CSPP1: variants seen among roughly 807,000 people sequenced by gnomAD.
CSPP1 encodes centrosome and spindle pole-associated protein 1.
In CSPP1, 126 loss-of-function variants were observed where a neutral mutation model predicts 164.4. The ratio of observed to expected loss-of-function variants is 0.77; its 90% CI spans 0.66 to 0.89. CSPP1 has a LOEUF of 0.89. Among genes scored for constraint, CSPP1 ranks in the 40% least tolerant of loss-of-function variants. The pLI, the probability that CSPP1 is intolerant of heterozygous loss-of-function variation, is 0.00. For synonymous variants in CSPP1, 472 were observed against 476.7 expected, an observed-to-expected ratio of 0.99 and a Z score of 0.13; for missense variants, 1,395 against 1,449.8, an observed-to-expected ratio of 0.96 and a Z score of 0.61.
At chr8:67,163,441 A>G (rs1253022696) in intron 22 of CSPP1, among the ~76,000 whole-genome samples, 8 of 152,060 alleles carry the variant, frequency 5.3e-5, no homozygotes, top group African/African-American at 1.9e-4. Flanking sequence ...GGAGAATGGG[A>G]GTCAATTATC....
intron 27 of CSPP1, 99 bp from the exon 28 acceptor site, chr8:67,179,764 G>T: frequency 2.6e-6 from 2 of 768,020 alleles, no homozygotes; most frequent in Non-Finnish European, 2.2e-6. Flanking sequence ...TCTGCTTTTA[G>T]GGAGAACAGT....
intron 19 of CSPP1, among the ~76,000 whole-genome samples, chr8:67,156,585 T>C (rs1826709554): frequency 6.6e-6 from 1 of 152,162 alleles, no homozygotes; most frequent in Non-Finnish European, 1.5e-5. Context: ...GTAAAATAGA[T>C]CAATGGTATT....
At chr8:67,093,740 T>C in intron 6 of CSPP1, 99 bp downstream of exon 6, 1 of 627,490 alleles carries the variant, frequency 1.6e-6, no homozygotes, top group Non-Finnish European at 2.7e-6. Flanking sequence ...TTACTTTTTT[T>C]TGTAAATACT....
chr8:67,167,552 T>C (rs567917023), intron 24 of CSPP1, among the ~76,000 whole-genome samples: 6 of 143,282 alleles, frequency 4.2e-5, no homozygotes, highest in African/African-American at 7.9e-5. Context: ...GGGCGGCTGC[T>C]GGGCGGAGGG....
chr8:67,159,926 T>TTCCTTCCTTCC (rs1257832985), intron 21 of CSPP1, among the ~76,000 whole-genome samples: 2 of 41,570 alleles, frequency 4.8e-5, no homozygotes, highest in African/African-American at 2.2e-4. Flanking sequence ...CTTTCTTTCC[T>TTCCTTCCTTCC]TTCCTTCCTT....
At chr8:67,096,627 G>A (rs1812853628) in intron 7 of CSPP1, among the ~76,000 whole-genome samples, 1 of 151,302 alleles carries the variant, frequency 6.6e-6, no homozygotes, top group African/African-American at 2.4e-5. Flanking sequence ...CAGTTTGGGA[G>A]GCCAAGGCAG....
intron 18 of CSPP1, among the ~76,000 whole-genome samples, chr8:67,150,535 C>G (rs755318032): frequency 6.6e-6 from 1 of 152,062 alleles, no homozygotes; most frequent in Non-Finnish European, 1.5e-5. Flanking sequence ...TCCCAAGTAG[C>G]TGGAATCACA....
intron 17 of CSPP1, among the ~76,000 whole-genome samples, chr8:67,147,609 A>G (rs970419088): frequency 6.6e-6 from 1 of 152,082 alleles, no homozygotes; most frequent in Non-Finnish European, 1.5e-5. Flanking sequence ...CCTAATTTCA[A>G]TTTAATGATT....
chr8:67,130,057 A>G (rs1204500912), intron 15 of CSPP1, among the ~76,000 whole-genome samples: 1 of 152,144 alleles, frequency 6.6e-6, no homozygotes, highest in African/African-American at 2.4e-5. Context: ...AAAGTACAAT[A>G]TTTGTGGGAT....
At chr8:67,166,435 C>T (rs916511976) in intron 24 of CSPP1, among the ~76,000 whole-genome samples, 1 of 152,148 alleles carries the variant, frequency 6.6e-6, no homozygotes, top group African/African-American at 2.4e-5. Context: ...TTTAACATAG[C>T]ACGTTAATTT....
At chr8:67,164,051 TG>T (rs574956841) in intron 23 of CSPP1, among the ~76,000 whole-genome samples, 151 of 152,318 alleles carry the variant, frequency 9.9e-4, no homozygotes, top group African/African-American at 3.5e-3. Flanking sequence ...TGTATTTCTG[TG>T]CATTTTTATC....
intron 4 of CSPP1, 52 bp from the exon 5 acceptor site, chr8:67,091,749 CAT>C (rs1811648371): frequency 1.8e-6 from 1 of 552,122 alleles, no homozygotes; most frequent in Non-Finnish European, 3.0e-6. Flanking sequence ...ATTTATGCAA[CAT>C]ATTTTATAAA....
chr8:67,153,723 T>A (rs976357261), intron 18 of CSPP1, among the ~76,000 whole-genome samples: 1 of 152,148 alleles, frequency 6.6e-6, no homozygotes, highest in Non-Finnish European at 1.5e-5. Flanking sequence ...ATAAATTCTA[T>A]TTTAAAGCCT....
chr8:67,126,306 T>C (rs963415346), intron 15 of CSPP1, among the ~76,000 whole-genome samples: 12 of 152,350 alleles, frequency 7.9e-5, no homozygotes, highest in Non-Finnish European at 1.3e-4. Flanking sequence ...GTGTCATAAT[T>C]TCTTTTTTGA....
chr8:67,118,248 G>A lies in CSPP1; in HGVS notation c.1497G>A (p.Arg499=). ...SSALGEMVSP[R]IAPLPPPPLL... ...ATTTTTCATCTTTCTTTTCATACAG[G>A]ATTGCACCTCTGCCTCCACCTCCCC... The change falls in exon 14 of 31, where the codon AGG becomes AGA. Residue 499 remains arginine (R), a splice_region_variant and synonymous_variant. Coordinates refer to ENST00000678616, the MANE Select transcript of CSPP1 (RefSeq NM_001382391.1). 6.2e-7 allele frequency: 1 copy of A among 1,613,212 alleles called. No individual in the cohort carries two copies.
At chr8:67,175,098 A>G in intron 25 of CSPP1, 198 bp from the exon 26 acceptor site, 2 of 548,622 alleles carry the variant, frequency 3.6e-6, no homozygotes, top group East Asian at 6.3e-5. Context: ...GTGAAAAGAC[A>G]CTTATTAAAG....
chr8:67,091,698 CATAAT>C (rs1811638197), intron 4 of CSPP1, 100 bp from the exon 5 acceptor site: 5 of 338,580 alleles, frequency 1.5e-5, no homozygotes, highest in South Asian at 7.7e-5. Flanking sequence ...ATTTGCTCTG[CATAAT>C]ATAATACTAG....
chr8:67,106,972 C>T (rs931398790), intron 9 of CSPP1, among the ~76,000 whole-genome samples: 3 of 151,518 alleles, frequency 2.0e-5, no homozygotes, highest in Non-Finnish European at 4.4e-5. Flanking sequence ...TAATCAGTAC[C>T]ATGTAAAGGC....
At chr8:67,141,766 C>T (rs1288224239) in intron 17 of CSPP1, among the ~76,000 whole-genome samples, 2 of 152,170 alleles carry the variant, frequency 1.3e-5, no homozygotes, top group East Asian at 1.9e-4. Context: ...CCATCCACCT[C>T]GGCCTCCCAA....
Sources: gnomAD v4.1 joint callset for allele counts (sites outside exome capture counted in the v4.1 genomes callset) on GRCh38, gnomAD v4.1.1 for gene constraint, MANE v1.5 for transcripts, NCBI Gene and HGNC (gene_info 2026-07-23, HGNC 2026-07-21) for gene names.